Variants in CDKAL1 observed in about 807,000 individuals in gnomAD.
The protein encoded by CDKAL1 is CDKAL1 threonylcarbamoyladenosine tRNA methylthiotransferase, also known as threonylcarbamoyladenosine tRNA methylthiotransferase.
CDKAL1 carries 32 observed loss-of-function variants against 68.2 expected under a neutral mutation model. That is an observed-to-expected ratio of 0.47 (90% CI 0.35 to 0.63). CDKAL1 has a LOEUF of 0.63. Among genes scored for constraint, CDKAL1 ranks in the 30% least tolerant of loss-of-function variants. CDKAL1 has a pLI of 0.00. For synonymous variants in CDKAL1, 234 were observed against 244.3 expected (o/e 0.96, Z 0.39); for missense variants, 606 against 696.7 (o/e 0.87, Z 1.47).
At chr6:20,896,161 C>T (rs1405840748) in intron 9 of CDKAL1, among the ~76,000 whole-genome samples, 2 of 132,460 alleles carry the variant, frequency 1.5e-5, no homozygotes, top group African/African-American at 5.9e-5. Context: ...AGTGCAGTGG[C>T]GCGATCTTGG....
intron 15 of CDKAL1, among the ~76,000 whole-genome samples, chr6:21,224,078 G>A (rs1360410875): frequency 6.6e-6 from 1 of 152,162 alleles, no homozygotes; most frequent in Admixed American, 6.5e-5. Flanking sequence ...CTGGTGGGAT[G>A]CAAGCTTGGG....
chr6:21,124,450 C>T (rs1322228661), intron 13 of CDKAL1, among the ~76,000 whole-genome samples: 1 of 151,946 alleles, frequency 6.6e-6, no homozygotes, highest in Non-Finnish European at 1.5e-5. Context: ...TGAATGGTAC[C>T]CCAGCCCCAC....
At chr6:21,108,854 A>T (rs1773982467) in intron 13 of CDKAL1, among the ~76,000 whole-genome samples, 1 of 152,218 alleles carries the variant, frequency 6.6e-6, no homozygotes, top group Admixed American at 6.5e-5. Flanking sequence ...CCTGATAGAA[A>T]GTTATTTTTC....
chr6:21,197,171 A>T (rs1778509706), intron 13 of CDKAL1, among the ~76,000 whole-genome samples: 1 of 149,312 alleles, frequency 6.7e-6, no homozygotes, highest in South Asian at 2.1e-4. Context: ...AAAAAAAAAT[A>T]ATAATAATAA....
At chr6:21,084,355 G>A (rs1252760348) in intron 12 of CDKAL1, among the ~76,000 whole-genome samples, 1 of 152,178 alleles carries the variant, frequency 6.6e-6, no homozygotes, top group African/African-American at 2.4e-5. Flanking sequence ...TTTCATTGAA[G>A]TGCCTGTTTA....
At chr6:21,008,031 G>A (rs536558286) in intron 11 of CDKAL1, among the ~76,000 whole-genome samples, 1 of 152,334 alleles carries the variant, frequency 6.6e-6, no homozygotes, top group Admixed American at 6.5e-5. Context: ...TAGCTCCTTG[G>A]TATCTTAAGT....
intron 9 of CDKAL1, among the ~76,000 whole-genome samples, chr6:20,919,542 C>G (rs1762858598): frequency 6.6e-6 from 1 of 152,150 alleles, no homozygotes; most frequent in Admixed American, 6.5e-5. Flanking sequence ...GCCCCCCACT[C>G]CCACTTACGA....
chr6:20,733,312 CTG>C (rs1263580063), intron 5 of CDKAL1, among the ~76,000 whole-genome samples: 3 of 152,236 alleles, frequency 2.0e-5, no homozygotes, highest in Non-Finnish European at 2.9e-5. Flanking sequence ...TCGCTCTAAA[CTG>C]TGAACTTTAG....
intron 5 of CDKAL1, among the ~76,000 whole-genome samples, chr6:20,680,717 CTT>C (rs1770336228): frequency 6.6e-6 from 1 of 152,200 alleles, no homozygotes; most frequent in South Asian, 2.1e-4. Flanking sequence ...TGAAGGAAAA[CTT>C]TTGCTTTCTG....
intron 7 of CDKAL1, among the ~76,000 whole-genome samples, chr6:20,762,834 C>T (rs981547947): frequency 1.3e-5 from 2 of 152,160 alleles, no homozygotes; most frequent in Non-Finnish European, 2.9e-5. Context: ...TATCATTAAC[C>T]TGGGATTATT....
At chr6:21,075,462 C>G (rs1377904351) in intron 12 of CDKAL1, among the ~76,000 whole-genome samples, 1 of 151,926 alleles carries the variant, frequency 6.6e-6, no homozygotes, top group Non-Finnish European at 1.5e-5. Flanking sequence ...GAGATGAATT[C>G]TTCGCCTTGA....
intron 9 of CDKAL1, among the ~76,000 whole-genome samples, chr6:20,935,809 A>G (rs1285718121): frequency 2.0e-5 from 3 of 152,086 alleles, no homozygotes; most frequent in African/African-American, 7.2e-5. Flanking sequence ...CGCTCAAGCG[A>G]TCCTCCCCCT....
At chr6:20,792,688 G>A (rs995891402) in intron 8 of CDKAL1, among the ~76,000 whole-genome samples, 11 of 152,116 alleles carry the variant, frequency 7.2e-5, no homozygotes, top group Non-Finnish European at 1.5e-4. Flanking sequence ...ATCAAGATTG[G>A]TGGTCTGTTT....
At chr6:20,637,145 A>T (rs148247904) in intron 4 of CDKAL1, among the ~76,000 whole-genome samples, 11 of 152,248 alleles carry the variant, frequency 7.2e-5, no homozygotes, top group African/African-American at 2.6e-4. Context: ...AGTTTTAGGG[A>T]CACGGTGGGT....
Position 20,613,703 on chromosome 6 carries a change from C to A in CDKAL1, c.287-35590C>A, listed in dbSNP as rs527690027. On this transcript the variant is annotated intron_variant, in intron 4 of 15. Transcript: ENST00000274695. The stretch of plus-strand genomic sequence containing the variant: ...ATATTATTTAGCCATTCCTTTTATT[C>A]TAGACATTTTTGTTGTTTCTTTTCT... 2.2e-3 allele frequency among the ~76,000 whole-genome samples: 325 copies of A among 150,314 alleles called. 1 individual carries two copies. Among genetic ancestry groups the A allele is most frequent in the Admixed American group, 3.5e-3 (53 of 15,048 alleles).
chr6:20,977,753 G>A (rs1449767138), intron 10 of CDKAL1, among the ~76,000 whole-genome samples: 1 of 152,078 alleles, frequency 6.6e-6, no homozygotes, highest in Admixed American at 6.6e-5. Flanking sequence ...TGATGCACAT[G>A]TGTAGTCCCA....
At chr6:21,118,811 A>G (rs1340653087) in intron 13 of CDKAL1, among the ~76,000 whole-genome samples, 1 of 152,216 alleles carries the variant, frequency 6.6e-6, no homozygotes, top group East Asian at 1.9e-4. Flanking sequence ...TAAAGACTCA[A>G]CTTTGTTTGA....
chr6:20,588,722 A>T (rs568309090), intron 4 of CDKAL1, among the ~76,000 whole-genome samples: 103 of 151,974 alleles, frequency 6.8e-4, no homozygotes, highest in Non-Finnish European at 1.1e-3. Flanking sequence ...TCATTTTCGA[A>T]CTCTGTTTCT....
chr6:21,171,853 C>CT (rs1777401865), intron 13 of CDKAL1, among the ~76,000 whole-genome samples: 1 of 152,074 alleles, frequency 6.6e-6, no homozygotes, highest in Non-Finnish European at 1.5e-5. Flanking sequence ...ATGATTAACC[C>CT]TTTTTTGTTA....
Sources: gnomAD v4.1 joint callset for allele counts (sites outside exome capture counted in the v4.1 genomes callset) on GRCh38, gnomAD v4.1.1 for gene constraint, MANE v1.5 for transcripts, NCBI Gene and HGNC (gene_info 2026-07-23, HGNC 2026-07-21) for gene names.